SCARF1: variants seen among roughly 807,000 people sequenced by gnomAD.
SCARF1 encodes the protein scavenger receptor class F member 1.
Under a neutral mutation model 76.3 loss-of-function variants are expected in SCARF1, and 49 were observed. The observed-to-expected ratio is 0.64, with a 90% CI of 0.51 to 0.81. The LOEUF (loss-of-function observed/expected upper bound fraction) is 0.81. Among genes scored for constraint, SCARF1 ranks in the 40% least tolerant of loss-of-function variants. The probability of loss-of-function intolerance (pLI) is 0.00; values close to 1 mark genes in which losing one functional copy is unlikely to be tolerated. For missense variants in SCARF1, 1,098 were observed against 1,143.9 expected (o/e 0.96, Z 0.58); for synonymous variants, 495 against 474.6 (o/e 1.04, Z -0.56).
At position 1,638,847 on chromosome 17, in the gene SCARF1, A is replaced by C; in HGVS notation, c.1323T>G (p.Cys441Trp). The C allele has an allele frequency of 1.2e-6, 2 of 1,611,056 alleles. No homozygotes were observed. The highest frequency in any genetic ancestry group is 1.7e-6 in the Non-Finnish European group (2 of 1,178,432). Residue 441 changes from cysteine (C) to tryptophan (W), a missense_variant, in exon 8 of 11, where the codon TGT (cysteine) becomes TGG (tryptophan). By Grantham distance (215) the Cys-to-Trp change is radical (BLOSUM62 -2). Coordinates refer to ENST00000263071, the MANE Select transcript of SCARF1 (RefSeq NM_003693.4). Reference protein sequence around the residue: ...LLLLFLGLACCACCCWAPRSD... With the variant: ...LLLLFLGLACWACCCWAPRSD... The stretch of plus-strand genomic sequence containing the variant: ...ATCGGGGGGCCCAGCAGCAGCAGGC[A>C]CAGCAGGCAAGGCCCAGGAAGAGCA...
chr17:1,639,917 C>T lies in SCARF1; in HGVS notation c.1134G>A (p.Gly378=), dbSNP rs143274554. Residue 378 remains glycine (G), a synonymous_variant, in exon 6 of 11, where the codon GGG becomes GGA. Coordinates refer to ENST00000263071, the MANE Select transcript of SCARF1 (RefSeq NM_003693.4). ...CCCGGGATCCCCATCCTTACCTGGGCCCCCAGTAGCCGGCACTGCAGACAC... is the reference window on the plus strand; with the variant it reads ...CCCGGGATCCCCATCCTTACCTGGGTCCCCAGTAGCCGGCACTGCAGACAC... The part of the protein sequence containing the change: ...GDCVCSAGYW[G]PSCNASCPAG... 5.0e-6 allele frequency: 8 copies of T among 1,613,006 alleles called. No homozygotes were observed. The East Asian group carries it at 6.7e-5, about 13-fold the overall frequency.
intron 10 of SCARF1, 140 bp downstream of exon 10, chr17:1,636,569 C>T (rs1909574620): frequency 3.1e-6 from 3 of 975,740 alleles, no homozygotes; most frequent in Non-Finnish European, 4.4e-6. Flanking sequence ...GCTGAGATCG[C>T]ACCACTGCAC....
chr17:1,642,549 G>A (rs1423870493), intron 4 of SCARF1, among the ~76,000 whole-genome samples: 1 of 151,944 alleles, frequency 6.6e-6, no homozygotes, highest in Non-Finnish European at 1.5e-5. Flanking sequence ...ATTCCATGGT[G>A]TATATGTGCC....
chr17:1,638,701 G>A (rs1351280029), intron 8 of SCARF1, 105 bp downstream of exon 8: 6 of 1,100,682 alleles, frequency 5.5e-6, no homozygotes, highest in Admixed American at 3.6e-5. Context: ...TCTGACCCAC[G>A]TGGGCAACAA....
chr17:1,635,590 G>C lies in SCARF1; in HGVS notation c.1661C>G (p.Ser554Trp). Reference protein sequence around the residue: ...EGMVPVAQAGSSEASLAAGAF... With the variant: ...EGMVPVAQAGWSEASLAAGAF... Reference sequence around the variant, plus strand: ...ACCTGCAGCCAGGCTGGCCTCTGACGACCCTGCCTGGGCCACAGGGACCAT... The same window carrying C: ...ACCTGCAGCCAGGCTGGCCTCTGACCACCCTGCCTGGGCCACAGGGACCAT... The change falls in exon 11 of 11, where the codon TCG becomes TGG. Residue 554 changes from serine (S) to tryptophan (W), a missense_variant. Coordinates refer to ENST00000263071, the MANE Select transcript of SCARF1 (RefSeq NM_003693.4). 6.2e-7 allele frequency: 1 copy of C among 1,604,316 alleles called. No homozygotes were observed. The highest frequency in any genetic ancestry group is 8.5e-7 in the Non-Finnish European group (1 of 1,179,802).
chr17:1,635,000 C>A lies in SCARF1; in HGVS notation c.2251G>T (p.Gly751Cys), dbSNP rs144257456. The A allele has an allele frequency of 6.2e-7, 1 of 1,613,834 alleles. No homozygotes were observed. The highest frequency in any genetic ancestry group is 1.7e-5 in the Admixed American group (1 of 60,026). ...TTTGGGGCTGAGTTGGGGCTCTGGC[C>A]GACAGAGCCAGAGGCAAGGCCAGGG... The part of the protein sequence containing the change: ...GSPGLASGSV[G>C]QSPNSAPKAG... The change falls in exon 11 of 11, where the codon GGC (glycine) becomes TGC (cysteine). Residue 751 changes from glycine (G) to cysteine (C), a missense_variant. Physicochemically the swap from Gly to Cys is radical, Grantham distance 159 (BLOSUM62 -3). Coordinates refer to ENST00000263071, the MANE Select transcript of SCARF1 (RefSeq NM_003693.4).
chr17:1,633,899 G>A lies in SCARF1; in HGVS notation c.*859C>T, dbSNP rs539524921. ...TAGTACTTTTTATTTTTTTAACAAA[G>A]ATCATTGCTTTTTATTATACTTTAT... On this transcript the variant is annotated 3_prime_UTR_variant, in exon 11 of 11. Transcript: ENST00000263071. 2 of 151,980 alleles carry A rather than the reference G, an allele frequency of 1.3e-5. No individual in the cohort carries two copies. Among genetic ancestry groups the A allele is most frequent in the African/African-American group, 2.4e-5 (1 of 41,378 alleles). 9.4% of individuals were successfully genotyped at this position (151,980 alleles called of 1,614,324 possible). A position where few individuals can be genotyped will look rare whatever the true frequency, so the allele number is the denominator to read the frequency against.
rs1318825827 is a variant in SCARF1 at position 1,639,579 on chromosome 17, C to CCCA, written c.1243+57_1243+59dup. The CCCA allele has an allele frequency of 4.2e-6, 5 of 1,189,330 alleles. No homozygotes were observed. The East Asian group carries it at 1.0e-4, about 24-fold the overall frequency. 73.7% of individuals were successfully genotyped at this position (1,189,330 alleles called of 1,614,324 possible). On this transcript the variant is annotated intron_variant, in intron 7 of 10. Transcript: ENST00000263071. ...CCCTGGTGAGGAACTTGCCCTGGAG[C>CCCA]CCATGTGAAGGGCCCGCCTTTCCCT...
rs1178609807 is a variant in SCARF1, at chr17:1,634,914, C to A, written c.2337G>T (p.Gly779=). 1.3e-5 allele frequency: 21 copies of A among 1,613,238 alleles called. No homozygotes were observed. The highest frequency in any genetic ancestry group is 1.8e-5 in the Non-Finnish European group (21 of 1,179,854). Residue 779 remains glycine, a synonymous_variant, in exon 11 of 11, where the codon GGG becomes GGT. Transcript: ENST00000263071. ...MAVRPEEAVR[G]LGAGTESSRR... ...TTGAACTCTCGGTGCCAGCCCCCAG[C>A]CCCCGGACCGCTTCCTCTGGTCTGA...
chr17:1,635,691 T>C, intron 10 of SCARF1, 74 bp from the exon 11 acceptor site: 1 of 1,490,480 alleles, frequency 6.7e-7, no homozygotes, highest in Non-Finnish European at 8.9e-7. Flanking sequence ...CAGCTCAGCA[T>C]CTTCCAGGAG....
rs752364312 is a variant in SCARF1, at chr17:1,640,706, T to C, written c.792-40A>G. 76 of 1,558,006 alleles carry C rather than the reference T, an allele frequency of 4.9e-5. No homozygotes were observed. The highest frequency in any genetic ancestry group is 5.9e-5 in the Non-Finnish European group (67 of 1,138,912). ...GCTTCGTGGGAACAGTGGGGGTGGA[T>C]GGATGGAGCGCCCACCCCCTCCTAC... On this transcript the variant is annotated intron_variant, in intron 4 of 10. Transcript: ENST00000263071. This position sits in a 1 kb window ranked among gnomAD's most constrained non-coding sequence, Gnocchi z 4.7.
Position 1,636,829 on chromosome 17 carries a change from A to C in SCARF1, c.1513T>G (p.Phe505Val). The change falls in exon 10 of 11, where the codon TTC (phenylalanine) becomes GTC (valine). Residue 505 changes from phenylalanine (F) to valine (V), a missense_variant. By Grantham distance (50) the Phe-to-Val change is conservative (BLOSUM62 -1). Transcript: ENST00000263071. ...GGCGGCTCGATGAAGCTGTGGTTGA[A>C]GGGGACCTCCGGGTCGTGATGTGAG... The part of the protein sequence containing the change: ...TVSHHDPEVP[F>V]NHSFIEPPSA... 1 of 1,613,978 alleles carries C rather than the reference A, an allele frequency of 6.2e-7. No homozygotes were observed. The highest frequency in any genetic ancestry group is 1.7e-5 in the Admixed American group (1 of 60,006).
chr17:1,645,549 A>G lies in SCARF1; in HGVS notation c.101+48T>C. On this transcript the variant is annotated intron_variant, in intron 1 of 10. Transcript: ENST00000263071. This position sits in a 1 kb window ranked among gnomAD's most constrained non-coding sequence, Gnocchi z 6.3. ...GTTCAGCCACCCGCATCAGACTCCC[A>G]CGAGACCCACCTGCTGGCCACACGC... The G allele has an allele frequency of 6.3e-7, 1 of 1,576,208 alleles. No homozygotes were observed.
chr17:1,639,955 C>G lies in SCARF1; in HGVS notation c.1096G>C (p.Val366Leu), dbSNP rs769581486. The G allele has an allele frequency of 6.2e-7, 1 of 1,614,062 alleles. No homozygotes were observed. The highest frequency in any genetic ancestry group is 2.2e-5 in the East Asian group (1 of 44,884). Residue 366 changes from valine to leucine, a missense_variant, in exon 6 of 11, where the codon GTG becomes CTG. By Grantham distance (32) the Val-to-Leu change is conservative. Transcript: ENST00000263071. ...PTCVQGSCDT[V>L]TGDCVCSAGY... Reference sequence around the variant, plus strand: ...GCACTGCAGACACAGTCCCCTGTCACAGTATCACAGGACCCCTGAACACAG... The same window carrying G: ...GCACTGCAGACACAGTCCCCTGTCAGAGTATCACAGGACCCCTGAACACAG...
In SCARF1 at chr17:1,643,794, C is replaced by T. The variant is rs1910299436; in HGVS notation, c.439G>A (p.Val147Met). ...CACCAGCCGGGTTCGCAGTGGCACA[C>T]GCCGGTCGCGGGGTCGCAGCGCCCG... ...PHGRCDPATG[V>M]CHCEPGWWSS... Residue 147 changes from valine (V) to methionine (M), a missense_variant, in exon 4 of 11, where the codon GTG becomes ATG. Transcript: ENST00000263071. 7.9e-7 allele frequency: 1 copy of T among 1,268,202 alleles called. No homozygotes were observed. Among genetic ancestry groups the T allele is most frequent in the Non-Finnish European group, 9.9e-7 (1 of 1,010,294 alleles). The allele number at this position is 1,268,202 out of a possible 1,614,324, so 78.6% of individuals were successfully genotyped here. A position where few individuals can be genotyped will look rare whatever the true frequency, so the allele number is the denominator to read the frequency against.
chr17:1,645,300 G>A lies in SCARF1; in HGVS notation c.102-61C>T. The A allele has an allele frequency of 1.3e-6, 2 of 1,586,038 alleles. No homozygotes were observed. The highest frequency in any genetic ancestry group is 2.2e-5 in the East Asian group (1 of 44,470). ...GGGGTGCAGCCTGGCCCTGAGGAAG[G>A]TGGATCACTGTCTCTGGCTGCAGTG... On this transcript the variant is annotated intron_variant, in intron 1 of 10. Coordinates refer to ENST00000263071, the MANE Select transcript of SCARF1 (RefSeq NM_003693.4). The surrounding 1 kb of genome is among the most constrained non-coding windows in gnomAD (Gnocchi z 6.3).
Position 1,645,461 on chromosome 17 carries a change from T to C in SCARF1, c.101+136A>G. 3 of 1,521,508 alleles carry C rather than the reference T, an allele frequency of 2.0e-6. No individual in the cohort carries two copies. The highest frequency in any genetic ancestry group is 2.6e-6 in the Non-Finnish European group (3 of 1,139,608). The allele number at this position is 1,521,508 out of a possible 1,614,324, so 94.3% of individuals were successfully genotyped here. On this transcript the variant is annotated intron_variant, in intron 1 of 10. Transcript: ENST00000263071. This position sits in a 1 kb window ranked among gnomAD's most constrained non-coding sequence, Gnocchi z 6.3. The stretch of plus-strand genomic sequence containing the variant: ...CTACCTGCCAGACCGCCATCAGCAG[T>C]CCCTTCCTTTCAGCCTAAGCCCCCT...
intron 10 of SCARF1, 49 bp downstream of exon 10, chr17:1,636,660 C>T (rs757723423): frequency 1.5e-5 from 24 of 1,586,176 alleles, no homozygotes; most frequent in African/African-American, 4.1e-5. Flanking sequence ...AAGAGGGGGT[C>T]GTGGTGGGCA....
Position 1,643,671 on chromosome 17 carries a change from G to GC in SCARF1, c.561dup (p.Arg188AlafsTer85). ...CAGTTGCAGCGGAAGCTGCAGCGGCGCCCCCACCAGCCCGGCTTGCACACG... is the reference window on the plus strand; with the variant it reads ...CAGTTGCAGCGGAAGCTGCAGCGGCGCCCCCCACCAGCCCGGCTTGCACACG... On this transcript the variant is annotated frameshift_variant, in exon 4 of 11. Transcript: ENST00000263071. LOFTEE classifies it high-confidence loss of function. The GC allele has an allele frequency of 6.8e-7, 1 of 1,464,144 alleles. No homozygotes were observed. Among genetic ancestry groups the GC allele is most frequent in the South Asian group, 1.3e-5 (1 of 77,240 alleles). The allele number at this position is 1,464,144 out of a possible 1,614,324, so 90.7% of individuals were successfully genotyped here.
Sources: gnomAD v4.1 joint callset for allele counts (sites outside exome capture counted in the v4.1 genomes callset) on GRCh38, gnomAD v4.1.1 for gene constraint, Gnocchi (gnomAD v3.1) non-coding constraint, MANE v1.5 for transcripts, NCBI Gene and HGNC (gene_info 2026-07-23, HGNC 2026-07-21) for gene names.